The following KIF20B variants were observed in gnomAD, a reference collection of about 807,000 sequenced individuals.
KIF20B encodes kinesin-like protein KIF20B.
In KIF20B, 188 loss-of-function variants were observed where a neutral mutation model predicts 232.5. The observed-to-expected ratio is 0.81, with a 90% CI of 0.72 to 0.91. The LOEUF (loss-of-function observed/expected upper bound fraction) is 0.91. KIF20B is among the 40% of genes least tolerant of loss of function. The pLI, the probability that KIF20B is intolerant of heterozygous loss-of-function variation, is 0.00. For synonymous variants in KIF20B, 712 were observed against 683.0 expected (o/e 1.04, Z -0.66); for missense variants, 2,154 against 2,055.9 (o/e 1.05, Z -0.92).
At chr10:89,725,186 T>G in intron 15 of KIF20B, 28 bp downstream of exon 15, 1 of 1,609,080 alleles carries the variant, frequency 6.2e-7, no homozygotes, top group Non-Finnish European at 8.5e-7. Flanking sequence ...TTTAAAAATA[T>G]CCAGTGAGGT....
At chr10:89,737,330 G>T in intron 19 of KIF20B, 57 bp from the exon 20 acceptor site, 1 of 1,385,056 alleles carries the variant, frequency 7.2e-7, no homozygotes, top group Non-Finnish European at 9.4e-7. Flanking sequence ...CTTATATGGT[G>T]ACTTTTTGGT....
At chr10:89,732,289 G>C (rs1843341002) in intron 18 of KIF20B, among the ~76,000 whole-genome samples, 1 of 151,988 alleles carries the variant, frequency 6.6e-6, no homozygotes, top group Admixed American at 6.6e-5. Context: ...ACAACACCTG[G>C]AATTTTAATT....
intron 24 of KIF20B, among the ~76,000 whole-genome samples, chr10:89,751,979 C>T (rs1842030312): frequency 6.6e-6 from 1 of 151,828 alleles, no homozygotes; most frequent in Admixed American, 6.5e-5. Context: ...ATAACCTTGG[C>T]AGGGTACTTG....
At chr10:89,732,392 G>A (rs1455313698) in intron 18 of KIF20B, among the ~76,000 whole-genome samples, 3 of 152,022 alleles carry the variant, frequency 2.0e-5, no homozygotes, top group East Asian at 3.8e-4. Flanking sequence ...CAAAGTGCTG[G>A]GATTACAGGC....
Position 89,760,574 on chromosome 10 carries a change from C to A in KIF20B, c.4729C>A (p.Pro1577Thr). ...IKPKRISSAD[P>T]DKLQTEPLST... Reference sequence around the variant, plus strand: ...GCCCAAACGTATTAGTTCAGCAGATCCTGACAAACTTCAAACTGAACCTCT... The same window carrying A: ...GCCCAAACGTATTAGTTCAGCAGATACTGACAAACTTCAAACTGAACCTCT... Residue 1577 changes from proline to threonine, a missense_variant, in exon 28 of 33, where the codon CCT becomes ACT. By Grantham distance (38) the Pro-to-Thr change is conservative (BLOSUM62 -1). Transcript: ENST00000371728. 6.2e-7 allele frequency: 1 copy of A among 1,613,144 alleles called. No homozygotes were observed. The highest frequency in any genetic ancestry group is 2.2e-5 in the East Asian group (1 of 44,822).
At chr10:89,751,680 A>G (rs1000794602) in intron 24 of KIF20B, among the ~76,000 whole-genome samples, 2 of 152,022 alleles carry the variant, frequency 1.3e-5, no homozygotes, top group African/African-American at 4.8e-5. Context: ...GAGTAAGGAC[A>G]CTGCATGATA....
At position 89,716,562 on chromosome 10, in the gene KIF20B, C is replaced by G. The variant is rs1842938715; in HGVS notation, c.1052+15C>G. Reference sequence around the variant, plus strand: ...TCCAGTAGAAGGTAAAGAATAAACTCTGTAAGAGTAAACTCGAATCACCGA... The same window carrying G: ...TCCAGTAGAAGGTAAAGAATAAACTGTGTAAGAGTAAACTCGAATCACCGA... On this transcript the variant is annotated intron_variant, in intron 9 of 32. Coordinates refer to ENST00000371728, the MANE Select transcript of KIF20B (RefSeq NM_001284259.2). The G allele has an allele frequency of 8.2e-7, 1 of 1,223,668 alleles. No individual in the cohort carries two copies. Among genetic ancestry groups the G allele is most frequent in the African/African-American group, 1.5e-5 (1 of 65,856 alleles). The allele number at this position is 1,223,668 out of a possible 1,614,324, so 75.8% of individuals were successfully genotyped here. A position where few individuals can be genotyped will look rare whatever the true frequency, so the allele number is the denominator to read the frequency against.
chr10:89,710,265 A>G (rs1359939171), intron 5 of KIF20B, among the ~76,000 whole-genome samples, 200 bp downstream of exon 5: 1 of 141,640 alleles, frequency 7.1e-6, no homozygotes, highest in Non-Finnish European at 1.5e-5. Context: ...TCTGTTGCCC[A>G]GGCTGGAGTG....
intron 23 of KIF20B, among the ~76,000 whole-genome samples, chr10:89,748,370 C>A (rs1841959760): frequency 6.6e-6 from 1 of 152,162 alleles, no homozygotes; most frequent in East Asian, 1.9e-4. Flanking sequence ...GACTCCTCTC[C>A]TCCTCATTAC....
At chr10:89,742,083 T>C (rs1441426856) in intron 21 of KIF20B, among the ~76,000 whole-genome samples, 1 of 152,186 alleles carries the variant, frequency 6.6e-6, no homozygotes, top group Non-Finnish European at 1.5e-5. Context: ...CTGAGGTTGC[T>C]AAGATCTATG....
chr10:89,724,517 A>G (rs1346871733), intron 14 of KIF20B, among the ~76,000 whole-genome samples: 1 of 152,168 alleles, frequency 6.6e-6, no homozygotes, highest in East Asian at 1.9e-4. Context: ...CGACAGAGTG[A>G]GACTCTTGTC....
chr10:89,727,568 A>C (rs1843217688), intron 16 of KIF20B, among the ~76,000 whole-genome samples: 1 of 152,244 alleles, frequency 6.6e-6, no homozygotes, highest in Non-Finnish European at 1.5e-5. Flanking sequence ...CTTAAAAAGC[A>C]CTAGCTCCTT....
At position 89,737,871 on chromosome 10, in the gene KIF20B, G is replaced by A; in HGVS notation, c.3030G>A (p.Arg1010=). The part of the protein sequence containing the change: ...QISNIDLLNL[R]DLSNGSEEDN... ...CAAACATAGATTTGCTCAATCTCAG[G>A]GATCTGTCAAATGGTTCTGAGGAGG... Residue 1010 remains arginine, a synonymous_variant, in exon 20 of 33, where the codon AGG becomes AGA. Coordinates refer to ENST00000371728, the MANE Select transcript of KIF20B (RefSeq NM_001284259.2). The A allele has an allele frequency of 1.2e-6, 2 of 1,613,360 alleles. No individual in the cohort carries two copies. The highest frequency in any genetic ancestry group is 1.7e-6 in the Non-Finnish European group (2 of 1,179,468).
intron 18 of KIF20B, among the ~76,000 whole-genome samples, chr10:89,732,498 T>C (rs1843346360): frequency 7.4e-6 from 1 of 134,344 alleles, no homozygotes; most frequent in Non-Finnish European, 1.6e-5. Flanking sequence ...GAAGCTCAGT[T>C]TCAAAGCTGT....
At chr10:89,749,769 C>T (rs1439011469) in intron 23 of KIF20B, among the ~76,000 whole-genome samples, 1 of 152,086 alleles carries the variant, frequency 6.6e-6, no homozygotes, top group Admixed American at 6.5e-5. Flanking sequence ...GAATAATATT[C>T]CGCATTTTAT....
At chr10:89,702,854 G>T (rs1842641498) in intron 1 of KIF20B, among the ~76,000 whole-genome samples, 1 of 151,920 alleles carries the variant, frequency 6.6e-6, no homozygotes, top group South Asian at 2.1e-4. Context: ...TTGTTATAGG[G>T]GATACAGAGT....
At chr10:89,754,709 A>G (rs774432435) in intron 26 of KIF20B, 36 bp downstream of exon 26, 3 of 1,436,194 alleles carry the variant, frequency 2.1e-6, no homozygotes, top group East Asian at 5.1e-5. Context: ...TATTTCACCT[A>G]CTTTCCTTGG....
At chr10:89,727,964 A>G (rs1843225890) in intron 17 of KIF20B, 68 bp downstream of exon 17, 1 of 1,342,992 alleles carries the variant, frequency 7.4e-7, no homozygotes, top group Non-Finnish European at 1.0e-6. Context: ...AATGATGACT[A>G]GATTTGTTTA....
rs751756468 is a variant in KIF20B at position 89,717,550 on chromosome 10, A to T, written c.1125-26A>T. On this transcript the variant is annotated intron_variant, in intron 10 of 32. Coordinates refer to ENST00000371728, the MANE Select transcript of KIF20B (RefSeq NM_001284259.2). ...TTTGTAATTGTTTTGAAGAACTTTT[A>T]AAGTACTTTTTTTTTCTTAATTCAG... The T allele has an allele frequency of 4.0e-5, 64 of 1,596,074 alleles. 2 individuals carry two copies. In the South Asian group the frequency reaches 6.6e-4, roughly 17 times the overall value.
Sources: gnomAD v4.1 joint callset for allele counts (sites outside exome capture counted in the v4.1 genomes callset) on GRCh38, gnomAD v4.1.1 for gene constraint, MANE v1.5 for transcripts, NCBI Gene and HGNC (gene_info 2026-07-23, HGNC 2026-07-21) for gene names.